Variants in PTPRO observed in about 807,000 individuals in gnomAD.
The protein encoded by PTPRO is protein tyrosine phosphatase receptor type O.
Under a neutral mutation model 145.2 loss-of-function variants are expected in PTPRO, and 62 were observed. That is an observed-to-expected ratio of 0.43 (90% CI 0.35 to 0.53). The LOEUF is 0.53. Ranked by LOEUF, PTPRO falls within the 20% of genes least tolerant of loss-of-function variation. The pLI is 0.01. For synonymous variants in PTPRO, 565 were observed against 514.7 expected (o/e 1.10, Z -1.32); for missense variants, 1,345 against 1,482.7 (o/e 0.91, Z 1.53).
At chr12:15,376,569 A>G (rs575591924) in intron 1 of PTPRO, among the ~76,000 whole-genome samples, 1 of 152,302 alleles carries the variant, frequency 6.6e-6, no homozygotes, top group East Asian at 1.9e-4. Context: ...TCAGAATGCT[A>G]TAATAAAAAT....
At chr12:15,416,721 C>T (rs1228951806) in intron 1 of PTPRO, among the ~76,000 whole-genome samples, 3 of 141,962 alleles carry the variant, frequency 2.1e-5, no homozygotes, top group Non-Finnish European at 4.6e-5. Flanking sequence ...CCACTTCCTT[C>T]TTTTTTTTTT....
intron 9 of PTPRO, among the ~76,000 whole-genome samples, chr12:15,518,550 C>T (rs1288586934): frequency 6.6e-6 from 1 of 152,342 alleles, no homozygotes; most frequent in African/African-American, 2.4e-5. Flanking sequence ...ATCACATTGT[C>T]AAGCTGCAAA....
In PTPRO at chr12:15,526,267, G is replaced by A; in HGVS notation, c.2164+5G>A. ...TGCTCCGCCTTGTCAAGCTAGGTAAGAAGAGTGCACAGAGATGGGTGTGAA... is the reference window on the plus strand; with the variant it reads ...TGCTCCGCCTTGTCAAGCTAGGTAAAAAGAGTGCACAGAGATGGGTGTGAA... On this transcript the variant is annotated splice_donor_5th_base_variant and intron_variant, in intron 12 of 26. Transcript: ENST00000281171. 1 of 1,613,832 alleles carries A rather than the reference G, an allele frequency of 6.2e-7. No individual in the cohort carries two copies. Among genetic ancestry groups the A allele is most frequent in the Admixed American group, 1.7e-5 (1 of 60,022 alleles).
At chr12:15,590,267 C>T (rs1305189978) in intron 25 of PTPRO, among the ~76,000 whole-genome samples, 3 of 152,196 alleles carry the variant, frequency 2.0e-5, no homozygotes, top group Non-Finnish European at 2.9e-5. Flanking sequence ...CAAGGCAACG[C>T]CGGCAGACAG....
intron 1 of PTPRO, among the ~76,000 whole-genome samples, chr12:15,390,689 C>G (rs1296166919): frequency 6.6e-6 from 1 of 152,084 alleles, no homozygotes; most frequent in African/African-American, 2.4e-5. Flanking sequence ...AAGTGAGATA[C>G]CATAAGGCTG....
chr12:15,581,342 C>T (rs1215933656), intron 22 of PTPRO, among the ~76,000 whole-genome samples: 2 of 146,132 alleles, frequency 1.4e-5, no homozygotes, highest in East Asian at 4.1e-4. Flanking sequence ...GTTCTGTTGC[C>T]CAGGCTGGGG....
At chr12:15,488,416 G>A (rs938167863) in intron 2 of PTPRO, among the ~76,000 whole-genome samples, 5 of 152,258 alleles carry the variant, frequency 3.3e-5, no homozygotes, top group Admixed American at 1.3e-4. Flanking sequence ...ATAAAAGAGG[G>A]AATTGAAGTA....
chr12:15,428,541 C>A (rs1264699747), intron 1 of PTPRO, among the ~76,000 whole-genome samples: 1 of 151,994 alleles, frequency 6.6e-6, no homozygotes, highest in Non-Finnish European at 1.5e-5. Context: ...GTGCTTGCAA[C>A]TTTTCTGTAA....
At chr12:15,410,390 C>T (rs1457197356) in intron 1 of PTPRO, 1 of 152,114 alleles carries the variant, frequency 6.6e-6, no homozygotes. Flanking sequence ...ATTGAGGGCT[C>T]GAATAGAGCA....
At chr12:15,371,508 C>T (rs954450086) in intron 1 of PTPRO, among the ~76,000 whole-genome samples, 46 of 152,162 alleles carry the variant, frequency 3.0e-4, no homozygotes, top group African/African-American at 1.0e-3. Flanking sequence ...GCTGGGATTA[C>T]AGGCATGAGC....
rs1387751965 is a variant in PTPRO at position 15,363,358 on chromosome 12, A to C, written c.75+40557A>C. On this transcript the variant is annotated intron_variant, in intron 1 of 26. Coordinates refer to ENST00000281171, the MANE Select transcript of PTPRO (RefSeq NM_030667.3). ...ATTTTTCGAAGAACAGCTGTGCAAC[A>C]CTGGCTGGGCTACAAATTAAACATA... Among the ~76,000 whole-genome samples, 6 of 152,306 alleles carry C rather than the reference A, an allele frequency of 3.9e-5. No homozygotes were observed. In the East Asian group the frequency reaches 7.7e-4, roughly 20 times the overall value.
chr12:15,559,610 T>A (rs1384317097), intron 16 of PTPRO, among the ~76,000 whole-genome samples: 1 of 152,166 alleles, frequency 6.6e-6, no homozygotes, highest in African/African-American at 2.4e-5. Context: ...TATCCTTGTA[T>A]CATCCATACC....
chr12:15,458,235 C>A (rs890451187), intron 1 of PTPRO, among the ~76,000 whole-genome samples: 4 of 152,126 alleles, frequency 2.6e-5, no homozygotes, highest in Admixed American at 1.3e-4. Context: ...CAGCCTTATG[C>A]AGATTCCCTG....
intron 1 of PTPRO, among the ~76,000 whole-genome samples, chr12:15,449,020 G>C (rs914419121): frequency 6.6e-6 from 1 of 151,512 alleles, no homozygotes; most frequent in African/African-American, 2.4e-5. Context: ...TAAATTTAAA[G>C]TTTAATTGAG....
chr12:15,461,374 C>T (rs1204585721), intron 1 of PTPRO, among the ~76,000 whole-genome samples: 1 of 152,172 alleles, frequency 6.6e-6, no homozygotes, highest in African/African-American at 2.4e-5. Flanking sequence ...ATGTATAAAC[C>T]AAGGTGAACC....
intron 1 of PTPRO, among the ~76,000 whole-genome samples, chr12:15,328,249 T>C (rs1180883628): frequency 6.6e-6 from 1 of 152,206 alleles, no homozygotes; most frequent in African/African-American, 2.4e-5. Flanking sequence ...CCTTAGATTT[T>C]TTTTCCTCTG....
intron 3 of PTPRO, among the ~76,000 whole-genome samples, chr12:15,498,327 G>A (rs1259749847): frequency 2.6e-5 from 4 of 152,182 alleles, no homozygotes; most frequent in African/African-American, 7.2e-5. Flanking sequence ...GGCCGAGGTG[G>A]GCAGATCACT....
intron 1 of PTPRO, among the ~76,000 whole-genome samples, chr12:15,398,653 T>A (rs767560559): frequency 1.3e-5 from 2 of 152,094 alleles, no homozygotes; most frequent in Non-Finnish European, 2.9e-5. Flanking sequence ...ATCTGTTCGG[T>A]TTCAACACCA....
intron 1 of PTPRO, among the ~76,000 whole-genome samples, chr12:15,451,216 A>G (rs1941037140): frequency 6.6e-6 from 1 of 152,170 alleles, no homozygotes; most frequent in African/African-American, 2.4e-5. Flanking sequence ...ACTTTAAAGC[A>G]ACAATGTTAA....
Sources: allele counts gnomAD v4.1 joint callset (sites outside exome capture counted in the v4.1 genomes callset), GRCh38; gene constraint gnomAD v4.1.1; transcripts MANE v1.5; gene names NCBI Gene and HGNC (gene_info 2026-07-23, HGNC 2026-07-21).